SGK3: variants seen among roughly 807,000 people sequenced by gnomAD.
SGK3 encodes the protein serine/threonine-protein kinase Sgk3.
SGK3 carries 47 observed loss-of-function variants against 68.5 expected under a neutral mutation model. That is an observed-to-expected ratio of 0.69 (90% CI 0.54 to 0.87). The LOEUF (loss-of-function observed/expected upper bound fraction) is 0.87, where lower values mean the gene tolerates loss of function less well. Among genes scored for constraint, SGK3 ranks in the 40% least tolerant of loss-of-function variants. The probability of loss-of-function intolerance (pLI) is 0.00; values close to 1 mark genes in which losing one functional copy is unlikely to be tolerated. For synonymous variants in SGK3, 181 were observed against 189.1 expected, an observed-to-expected ratio of 0.96 and a Z score of 0.35; for missense variants, 479 against 575.5, an observed-to-expected ratio of 0.83 and a Z score of 1.72.
At chr8:66,747,072 G>T (rs1805674685) in intron 1 of SGK3, among the ~76,000 whole-genome samples, 1 of 151,240 alleles carries the variant, frequency 6.6e-6, no homozygotes, top group Non-Finnish European at 1.5e-5. Flanking sequence ...AAAAAAAAAA[G>T]GGTTTTTTTT....
chr8:66,774,931 C>T (rs1394025350), intron 1 of SGK3, among the ~76,000 whole-genome samples: 2 of 152,192 alleles, frequency 1.3e-5, no homozygotes, highest in Admixed American at 6.5e-5. Context: ...GGGAGAGTGC[C>T]TTCTCATTCC....
At chr8:66,764,634 A>G (rs1024804108) in intron 1 of SGK3, among the ~76,000 whole-genome samples, 2 of 151,806 alleles carry the variant, frequency 1.3e-5, no homozygotes, top group Admixed American at 1.3e-4. Flanking sequence ...ACGCCTGGCT[A>G]ATTTTTTTTT....
chr8:66,803,599 C>T (rs1392897114), intron 3 of SGK3, among the ~76,000 whole-genome samples: 3 of 151,996 alleles, frequency 2.0e-5, no homozygotes, highest in East Asian at 1.9e-4. Flanking sequence ...TTAATTTCTT[C>T]AGGGCCGAGT....
chr8:66,840,311 C>A, intron 12 of SGK3, 64 bp downstream of exon 12: 1 of 1,418,566 alleles, frequency 7.0e-7, no homozygotes, highest in South Asian at 1.4e-5. Context: ...ATGCTTAGTG[C>A]AAAAAAAGTC....
chr8:66,741,318 G>A (rs1009516390), intron 1 of SGK3, among the ~76,000 whole-genome samples: 22 of 152,238 alleles, frequency 1.4e-4, no homozygotes, highest in African/African-American at 5.3e-4. Flanking sequence ...GGGAGGCCTA[G>A]GTGGGCGGAT....
At chr8:66,831,395 G>A in intron 8 of SGK3, 84 bp downstream of exon 8, 1 of 1,509,234 alleles carries the variant, frequency 6.6e-7, no homozygotes, top group Non-Finnish European at 9.1e-7. Context: ...TGTCCAGGCT[G>A]GAGTGTAGTG....
intron 1 of SGK3, among the ~76,000 whole-genome samples, chr8:66,759,074 T>G (rs1009901383): frequency 7.5e-6 from 1 of 132,956 alleles, no homozygotes; most frequent in African/African-American, 3.3e-5. Context: ...TCTTTTTTCT[T>G]TTCTTCTTTT....
intron 4 of SGK3, among the ~76,000 whole-genome samples, chr8:66,804,713 A>G (rs1808081858): frequency 6.6e-6 from 1 of 152,224 alleles, no homozygotes; most frequent in South Asian, 2.1e-4. Flanking sequence ...ACACAGGTTC[A>G]TTAATTTGCC....
At chr8:66,753,444 A>G (rs1469370987) in intron 1 of SGK3, among the ~76,000 whole-genome samples, 1 of 152,258 alleles carries the variant, frequency 6.6e-6, no homozygotes, top group Non-Finnish European at 1.5e-5. Flanking sequence ...AATGCATAGG[A>G]GAGGACTAGG....
At chr8:66,854,592 A>C (rs890229580) in intron 16 of SGK3, among the ~76,000 whole-genome samples, 2 of 151,912 alleles carry the variant, frequency 1.3e-5, no homozygotes, top group South Asian at 2.1e-4. Context: ...TCAATGAATC[A>C]CTCTTATTAA....
At chr8:66,835,192 C>A (rs1270477431) in intron 8 of SGK3, among the ~76,000 whole-genome samples, 1 of 152,098 alleles carries the variant, frequency 6.6e-6, no homozygotes, top group Non-Finnish European at 1.5e-5. Context: ...ATCACCTGAG[C>A]CTTGGAGAGG....
At chr8:66,829,260 G>A (rs1287746595) in intron 7 of SGK3, among the ~76,000 whole-genome samples, 2 of 152,162 alleles carry the variant, frequency 1.3e-5, no homozygotes, top group Non-Finnish European at 2.9e-5. Flanking sequence ...GAGGAATGTG[G>A]TCTTGCTGCC....
chr8:66,719,952 T>C (rs1804750966), intron 1 of SGK3, among the ~76,000 whole-genome samples: 1 of 152,254 alleles, frequency 6.6e-6, no homozygotes, highest in South Asian at 2.1e-4. Flanking sequence ...AAGTTTCTCT[T>C]ATACAGGCTT....
intron 1 of SGK3, among the ~76,000 whole-genome samples, chr8:66,723,615 G>A (rs940905053): frequency 1.3e-5 from 2 of 151,934 alleles, no homozygotes; most frequent in Non-Finnish European, 2.9e-5. Context: ...AGCTAATTTT[G>A]TTTATTTTTT....
chr8:66,738,767 A>G (rs1049697956), intron 1 of SGK3, among the ~76,000 whole-genome samples: 7 of 152,028 alleles, frequency 4.6e-5, no homozygotes, highest in African/African-American at 1.5e-4. Context: ...AGCTGGGACT[A>G]CAGGCACCTG....
intron 2 of SGK3, among the ~76,000 whole-genome samples, chr8:66,794,564 A>C (rs1388997412): frequency 6.6e-6 from 1 of 152,046 alleles, no homozygotes; most frequent in African/African-American, 2.4e-5. Flanking sequence ...GAGTAATATG[A>C]AGAAATTCAT....
chr8:66,813,784 T>G lies in SGK3; in HGVS notation c.254-69T>G. ...AATTCACTATCTTGTGCTTGTCTATTATATAACTGTTGATGATAATTGCAT... is the reference window on the plus strand; with the variant it reads ...AATTCACTATCTTGTGCTTGTCTATGATATAACTGTTGATGATAATTGCAT... On this transcript the variant is annotated intron_variant, in intron 4 of 16. Transcript: ENST00000521198. The G allele has an allele frequency of 6.7e-6, 9 of 1,351,052 alleles. No individual in the cohort carries two copies. The South Asian group carries it at 1.7e-4, about 25-fold the overall frequency. The allele number at this position is 1,351,052 out of a possible 1,614,324, so 83.7% of individuals were successfully genotyped here. A position where few individuals can be genotyped will look rare whatever the true frequency, so the allele number is the denominator to read the frequency against.
chr8:66,785,667 A>G (rs1218514794), intron 1 of SGK3, among the ~76,000 whole-genome samples: 1 of 152,152 alleles, frequency 6.6e-6, no homozygotes, highest in East Asian at 1.9e-4. Context: ...AATCTTTACT[A>G]GCTGTTATAT....
intron 10 of SGK3, among the ~76,000 whole-genome samples, chr8:66,837,813 G>C (rs1367674970): frequency 6.6e-6 from 1 of 152,094 alleles, no homozygotes; most frequent in East Asian, 1.9e-4. Context: ...AGACTCTTCA[G>C]TGTAGAGGCA....
Sources: gnomAD v4.1 joint callset for allele counts (sites outside exome capture counted in the v4.1 genomes callset) on GRCh38, gnomAD v4.1.1 for gene constraint, MANE v1.5 for transcripts, NCBI Gene and HGNC (gene_info 2026-07-23, HGNC 2026-07-21) for gene names.